SMARCC1: variants seen among roughly 807,000 people sequenced by gnomAD.
The protein encoded by SMARCC1 is SWI/SNF complex subunit SMARCC1.
A neutral mutation model predicts 147.4 loss-of-function variants in SMARCC1; 43 were observed. That is an observed-to-expected ratio of 0.29 (90% CI 0.23 to 0.38). The LOEUF is 0.38. Ranked by LOEUF, SMARCC1 falls within the 10% of genes least tolerant of loss-of-function variation. The pLI, the probability that SMARCC1 is intolerant of heterozygous loss-of-function variation, is 1.00. For missense variants in SMARCC1, 1,119 were observed against 1,381.1 expected, an observed-to-expected ratio of 0.81 and a Z score of 3.01; for synonymous variants, 495 against 484.4, an observed-to-expected ratio of 1.02 and a Z score of -0.29.
rs376821583 is a variant in SMARCC1 at position 47,775,065 on chromosome 3, A to G, written c.196-2129T>C. 9.2e-5 allele frequency among the ~76,000 whole-genome samples: 14 copies of G among 152,242 alleles called. No individual in the cohort carries two copies. In the East Asian group the frequency reaches 2.7e-3, roughly 29 times the overall value. ...GTGATTCTCTCACTTTGGCCTCCCA[A>G]AAAGTACTGGGATTAGAGGCATAAG... On this transcript the variant is annotated intron_variant, in intron 1 of 27. Transcript: ENST00000254480.
chr3:47,762,659 C>G (rs765832895), intron 2 of SMARCC1, among the ~76,000 whole-genome samples: 26 of 152,352 alleles, frequency 1.7e-4, no homozygotes, highest in Non-Finnish European at 3.4e-4. Flanking sequence ...CAGTGGCTCA[C>G]ACCTGTAATC....
intron 12 of SMARCC1, among the ~76,000 whole-genome samples, chr3:47,691,402 T>C (rs1484920530): frequency 6.6e-6 from 1 of 151,510 alleles, no homozygotes; most frequent in African/African-American, 2.4e-5. Context: ...TCGCCTGAGG[T>C]CAGCATTTCA....
At chr3:47,680,186 C>A in intron 15 of SMARCC1, 2 of 373,280 alleles carry the variant, frequency 5.4e-6, no homozygotes, top group South Asian at 2.8e-5. Flanking sequence ...CATGACACTG[C>A]ACAACAGCCT....
intron 24 of SMARCC1, among the ~76,000 whole-genome samples, chr3:47,633,719 G>A (rs1223352157): frequency 7.3e-6 from 1 of 137,606 alleles, no homozygotes; most frequent in African/African-American, 2.8e-5. Flanking sequence ...ACTACAGCCT[G>A]GGGGACAGAG....
At chr3:47,771,782 T>A (rs1045915474) in intron 2 of SMARCC1, among the ~76,000 whole-genome samples, 1 of 150,788 alleles carries the variant, frequency 6.6e-6, no homozygotes, top group African/African-American at 2.4e-5. Flanking sequence ...ACATAACATA[T>A]CATAACATAA....
intron 27 of SMARCC1, 123 bp from the exon 28 acceptor site, chr3:47,588,429 G>C: frequency 1.3e-6 from 1 of 792,642 alleles, no homozygotes; most frequent in Non-Finnish European, 2.1e-6. Flanking sequence ...AATGCACCCT[G>C]TGAGGCATTG....
chr3:47,676,881 G>A, intron 16 of SMARCC1, 99 bp from the exon 17 acceptor site: 1 of 1,000,106 alleles, frequency 1.0e-6, no homozygotes, highest in Non-Finnish European at 1.5e-6. Flanking sequence ...AATAAAACCA[G>A]TAAATGTGCT....
At chr3:47,725,257 A>G (rs541700941) in intron 6 of SMARCC1, among the ~76,000 whole-genome samples, 2 of 152,100 alleles carry the variant, frequency 1.3e-5, no homozygotes, top group South Asian at 2.1e-4. Context: ...CTACGAAATG[A>G]CCTGAACAAA....
At chr3:47,717,962 T>G (rs1306619501) in intron 7 of SMARCC1, among the ~76,000 whole-genome samples, 1 of 151,628 alleles carries the variant, frequency 6.6e-6, no homozygotes, top group Admixed American at 6.6e-5. Flanking sequence ...GAGACCAGCC[T>G]GAACAACATA....
In SMARCC1 at chr3:47,722,668, A is replaced by C. The variant is rs565526056; in HGVS notation, c.647-1933T>G. On this transcript the variant is annotated intron_variant, in intron 6 of 27. Coordinates refer to ENST00000254480, the MANE Select transcript of SMARCC1 (RefSeq NM_003074.4). ...ATATTTTCCAATAGCAGAAACAACAAAAGGTGTGAGATGTAAGCTCGCTCT... is the reference window on the plus strand; with the variant it reads ...ATATTTTCCAATAGCAGAAACAACACAAGGTGTGAGATGTAAGCTCGCTCT... 9.2e-5 allele frequency among the ~76,000 whole-genome samples: 14 copies of C among 152,334 alleles called. No homozygotes were observed. In the South Asian group the frequency reaches 2.5e-3, roughly 27 times the overall value.
intron 2 of SMARCC1, among the ~76,000 whole-genome samples, chr3:47,759,150 G>A (rs544923841): frequency 7.9e-5 from 12 of 151,840 alleles, no homozygotes; most frequent in East Asian, 5.9e-4. Context: ...TAGCTGGGAC[G>A]ACAGGGGCCC....
intron 1 of SMARCC1, among the ~76,000 whole-genome samples, chr3:47,774,018 TA>T (rs1391229494): frequency 6.6e-6 from 1 of 152,132 alleles, no homozygotes; most frequent in African/African-American, 2.4e-5. Flanking sequence ...TTTATTTTTT[TA>T]TTTTTTTTTG....
rs1012304360 is a variant in SMARCC1, at chr3:47,648,154, C to G, written c.2321-9374G>C. ...AGATTACAGGGATGCGCCACCACAC[C>G]CAGCTAATTTTTGTATTTTTAGTAG... is the stretch of plus-strand genomic sequence containing the variant. On this transcript the variant is annotated intron_variant, in intron 21 of 27. Coordinates refer to ENST00000254480, the MANE Select transcript of SMARCC1 (RefSeq NM_003074.4). Among the ~76,000 whole-genome samples the G allele has an allele frequency of 3.9e-5, 6 of 152,018 alleles. No individual in the cohort carries two copies. In the East Asian group the frequency reaches 1.2e-3, roughly 29 times the overall value.
At chr3:47,626,444 T>A (rs11130144) in intron 24 of SMARCC1, among the ~76,000 whole-genome samples, 3 of 141,006 alleles carry the variant, frequency 2.1e-5, no homozygotes, top group Non-Finnish European at 4.5e-5. Context: ...CCGTGCCTGG[T>A]GAGACCCTGT....
Position 47,781,845 on chromosome 3 carries a change from G to T in SMARCC1, c.-48C>A. The T allele has an allele frequency of 8.0e-7, 1 of 1,242,722 alleles. No individual in the cohort carries two copies. The highest frequency in any genetic ancestry group is 1.6e-5 in the African/African-American group (1 of 63,366). The allele number at this position is 1,242,722 out of a possible 1,614,324, so 77.0% of individuals were successfully genotyped here. A position where few individuals can be genotyped will look rare whatever the true frequency, so the allele number is the denominator to read the frequency against. Reference sequence around the variant, plus strand: ...AGCCTGGCCCACCCCGGCCCTCGCGGTGTTTCCCGGTCGTTCCCGCGCGCA... The same window carrying T: ...AGCCTGGCCCACCCCGGCCCTCGCGTTGTTTCCCGGTCGTTCCCGCGCGCA... On this transcript the variant is annotated 5_prime_UTR_variant, in exon 1 of 28. Transcript: ENST00000254480.
chr3:47,649,237 T>C (rs1045800685), intron 21 of SMARCC1, among the ~76,000 whole-genome samples: 4 of 152,210 alleles, frequency 2.6e-5, no homozygotes, highest in African/African-American at 4.8e-5. Flanking sequence ...TTTTCACACA[T>C]GGTGTTTTAG....
chr3:47,728,397 C>T (rs117869777), intron 6 of SMARCC1, among the ~76,000 whole-genome samples: 1 of 151,958 alleles, frequency 6.6e-6, no homozygotes, highest in Non-Finnish European at 1.5e-5. Flanking sequence ...CCTCATTAGT[C>T]TAAGAACCAC....
At chr3:47,706,028 T>G (rs2033988533) in intron 10 of SMARCC1, among the ~76,000 whole-genome samples, 1 of 152,124 alleles carries the variant, frequency 6.6e-6, no homozygotes, top group Non-Finnish European at 1.5e-5. Flanking sequence ...TATTCATCTC[T>G]TCTATGAGCT....
Position 47,642,922 on chromosome 3 carries a change from T to G in SMARCC1, c.2321-4142A>C, listed in dbSNP as rs9861663. Among the ~76,000 whole-genome samples, 673 of 152,212 alleles carry G rather than the reference T, an allele frequency of 4.4e-3. 5 individuals carry two copies. Among genetic ancestry groups the G allele is most frequent in the South Asian group, 0.032 (154 of 4,810 alleles). ...CAAACAAAAAACAATTAGCCATGCATGATGGTGCACGCCTGTAGTCCCAGC... is the reference window on the plus strand; with the variant it reads ...CAAACAAAAAACAATTAGCCATGCAGGATGGTGCACGCCTGTAGTCCCAGC... On this transcript the variant is annotated intron_variant, in intron 21 of 27. Coordinates refer to ENST00000254480, the MANE Select transcript of SMARCC1 (RefSeq NM_003074.4).
Sources: allele counts gnomAD v4.1 joint callset (sites outside exome capture counted in the v4.1 genomes callset), GRCh38; gene constraint gnomAD v4.1.1; transcripts MANE v1.5; gene names NCBI Gene and HGNC (gene_info 2026-07-23, HGNC 2026-07-21).